SNX22: variants seen among roughly 807,000 people sequenced by gnomAD.
SNX22 encodes sorting nexin-22.
A neutral mutation model predicts 24.7 loss-of-function variants in SNX22; 23 were observed. That is an observed-to-expected ratio of 0.93 (90% CI 0.67 to 1.32). The LOEUF is 1.32. Among genes scored for constraint, SNX22 ranks in the 40% most tolerant of loss-of-function variants. SNX22 has a pLI of 0.00. For missense variants in SNX22, 261 were observed against 249.9 expected, an observed-to-expected ratio of 1.04 and a Z score of -0.30; for synonymous variants, 99 against 104.0, an observed-to-expected ratio of 0.95 and a Z score of 0.29.
Position 64,151,796 on chromosome 15 carries a change from G to A in SNX22, c.21G>A (p.Pro7=). The A allele has an allele frequency of 1.3e-6, 2 of 1,538,240 alleles. No homozygotes were observed. The highest frequency in any genetic ancestry group is 1.7e-6 in the Non-Finnish European group (2 of 1,144,276). The change falls in exon 1 of 7, where the codon CCG becomes CCA. Residue 7 remains proline (P), a synonymous_variant. Coordinates refer to ENST00000325881, the MANE Select transcript of SNX22 (RefSeq NM_024798.3). Reference sequence around the variant, plus strand: ...CGCGGATGCTGGAAGTTCACATCCCGTCGGTGGGGCCCGAGGCCGAGGGGC... The same window carrying A: ...CGCGGATGCTGGAAGTTCACATCCCATCGGTGGGGCCCGAGGCCGAGGGGC... The part of the protein sequence containing the change: MLEVHI[P]SVGPEAEGPR...
In SNX22 at chr15:64,156,106, G is replaced by A. The variant is rs776320521; in HGVS notation, c.*1598G>A. The A allele has an allele frequency of 7.4e-6, 12 of 1,614,062 alleles. No homozygotes were observed. Among genetic ancestry groups the A allele is most frequent in the East Asian group, 2.2e-5 (1 of 44,898 alleles). ...ATCACATCCTTCAGGGGTTTATCCC[G>A]GCTGTCTGTCTTGGTGCTCTCCACC... On this transcript the variant is annotated 3_prime_UTR_variant, in exon 7 of 7. Coordinates refer to ENST00000325881, the MANE Select transcript of SNX22 (RefSeq NM_024798.3). This position sits in a 1 kb window ranked among gnomAD's most constrained non-coding sequence, Gnocchi z 6.4.
At position 64,154,095 on chromosome 15, in the gene SNX22, C is replaced by G. The variant is rs758017151; in HGVS notation, c.460+93C>G. The G allele has an allele frequency of 7.4e-6, 12 of 1,611,922 alleles. No homozygotes were observed. In the South Asian group the frequency reaches 1.2e-4, roughly 16 times the overall value. ...ACCCTCAGACAGCATCTCCTTCCTG[C>G]TGCCCACCTCTGGAGCCACTACCTC... On this transcript the variant is annotated intron_variant, in intron 6 of 6. Transcript: ENST00000325881.
At position 64,155,954 on chromosome 15, in the gene SNX22, A is replaced by C; in HGVS notation, c.*1446A>C. The C allele has an allele frequency of 4.3e-6, 7 of 1,611,564 alleles. No homozygotes were observed. The highest frequency in any genetic ancestry group is 5.9e-6 in the Non-Finnish European group (7 of 1,179,078). On this transcript the variant is annotated 3_prime_UTR_variant, in exon 7 of 7. Coordinates refer to ENST00000325881, the MANE Select transcript of SNX22 (RefSeq NM_024798.3). Reference sequence around the variant, plus strand: ...CAGATGCCAGCACCGGGGCCAGTGCAGCTCAGAGCCCTGTGGCGGACTACA... The same window carrying C: ...CAGATGCCAGCACCGGGGCCAGTGCCGCTCAGAGCCCTGTGGCGGACTACA...
At chr15:64,153,529 G>T in intron 4 of SNX22, 123 bp from the exon 5 acceptor site, 1 of 1,517,674 alleles carries the variant, frequency 6.6e-7, no homozygotes, top group Non-Finnish European at 9.1e-7. Context: ...CCGGAACTGG[G>T]GCTTGTTACA....
At chr15:64,152,850 T>A (rs1423999269) in intron 3 of SNX22, 108 bp downstream of exon 3, 1 of 900,368 alleles carries the variant, frequency 1.1e-6, no homozygotes, top group Non-Finnish European at 1.7e-6. Context: ...CTTGGGGATG[T>A]TATTCACCAC....
chr15:64,153,441 G>T, intron 4 of SNX22, 102 bp downstream of exon 4: 1 of 1,569,128 alleles, frequency 6.4e-7, no homozygotes. Context: ...CCAGGATCCA[G>T]CATGACCGCC....
chr15:64,154,326 A>G, intron 6 of SNX22, 61 bp from the exon 7 acceptor site: 1 of 1,605,258 alleles, frequency 6.2e-7, no homozygotes, highest in Admixed American at 1.7e-5. Flanking sequence ...GGCTGAGCCC[A>G]TGAGCAGGAG....
chr15:64,152,460 GC>G, intron 2 of SNX22, 134 bp downstream of exon 2: 1 of 1,243,168 alleles, frequency 8.0e-7, no homozygotes. Context: ...CAGCCGGTCA[GC>G]CCCCGGGCCT....
chr15:64,153,784 G>T, intron 5 of SNX22, 100 bp downstream of exon 5: 1 of 1,600,772 alleles, frequency 6.2e-7, no homozygotes, highest in South Asian at 1.1e-5. Flanking sequence ...CCTGGGCCCT[G>T]AAGTCTGTTT....
Position 64,153,992 on chromosome 15 carries a change from C to T in SNX22, c.450C>T (p.Asn150=). The stretch of plus-strand genomic sequence containing the variant: ...TCCATGTGGATCCCTATGTTTGCAA[C>T]CCCTCCCCAGGTGAGGAGGTGCCTA... The part of the protein sequence containing the change: ...LSFHVDPYVC[N]PSPESLPNVV... The change falls in exon 6 of 7, where the codon AAC becomes AAT. Residue 150 remains asparagine (N), a synonymous_variant. Transcript: ENST00000325881. 1 of 1,614,098 alleles carries T rather than the reference C, an allele frequency of 6.2e-7. No individual in the cohort carries two copies. The highest frequency in any genetic ancestry group is 8.5e-7 in the Non-Finnish European group (1 of 1,180,004).
At position 64,157,117 on chromosome 15, in the gene SNX22, T is replaced by C; in HGVS notation, c.*2609T>C. The C allele has an allele frequency of 3.3e-6, 2 of 603,536 alleles. No individual in the cohort carries two copies. The highest frequency in any genetic ancestry group is 5.9e-6 in the Non-Finnish European group (2 of 340,592). The allele number at this position is 603,536 out of a possible 1,614,324, so 37.4% of individuals were successfully genotyped here. A position where few individuals can be genotyped will look rare whatever the true frequency, so the allele number is the denominator to read the frequency against. ...GGCCAAGTGGGGCATCAGGCCAGGC[T>C]GATGTGGTGAACAGCTCACAGAAGG... On this transcript the variant is annotated 3_prime_UTR_variant, in exon 7 of 7. Coordinates refer to ENST00000325881, the MANE Select transcript of SNX22 (RefSeq NM_024798.3). The surrounding 1 kb of genome is among the most constrained non-coding windows in gnomAD (Gnocchi z 4.2).
intron 1 of SNX22, 57 bp downstream of exon 1, chr15:64,151,907 T>A (rs2081488842): frequency 6.8e-7 from 1 of 1,462,208 alleles, no homozygotes; most frequent in Admixed American, 2.1e-5. Context: ...TTCCCCGCGC[T>A]GCGCTCAGTG....
Position 64,154,650 on chromosome 15 carries a change from C to A in SNX22, c.*142C>A. 8.7e-7 allele frequency: 1 copy of A among 1,151,832 alleles called. No homozygotes were observed. Among genetic ancestry groups the A allele is most frequent in the Non-Finnish European group, 1.2e-6 (1 of 815,176 alleles). The allele number at this position is 1,151,832 out of a possible 1,614,324, so 71.4% of individuals were successfully genotyped here. A position where few individuals can be genotyped will look rare whatever the true frequency, so the allele number is the denominator to read the frequency against. On this transcript the variant is annotated 3_prime_UTR_variant, in exon 7 of 7. Coordinates refer to ENST00000325881, the MANE Select transcript of SNX22 (RefSeq NM_024798.3). The stretch of plus-strand genomic sequence containing the variant: ...AGTTGTGCCACATTCCCACTCAAGG[C>A]TCAGAACTTGGCTCGCATTGGTAGC...
At chr15:64,152,616 G>C (rs372493745) in intron 2 of SNX22, 22 bp from the exon 3 acceptor site, 54 of 1,607,246 alleles carry the variant, frequency 3.4e-5, no homozygotes, top group Non-Finnish European at 4.3e-5. Flanking sequence ...TGCTGTGATC[G>C]CACGCGGTAA....
intron 3 of SNX22, 95 bp from the exon 4 acceptor site, chr15:64,153,150 C>A (rs187868735): frequency 1.3e-6 from 2 of 1,483,114 alleles, no homozygotes; most frequent in Non-Finnish European, 1.9e-6. Context: ...TCGTGAAATT[C>A]TTTTTTTGGA....
Position 64,152,628 on chromosome 15 carries a change from C to A in SNX22, c.160-10C>A, listed in dbSNP as rs749257298. 6 of 1,612,980 alleles carry A rather than the reference C, an allele frequency of 3.7e-6. No individual in the cohort carries two copies. The Admixed American group carries it at 5.0e-5, about 13-fold the overall frequency. Reference sequence around the variant, plus strand: ...GGATGCTGTGATCGCACGCGGTAAACCTCCAGTAGATCAAGAAGCTGTACA... The same window carrying A: ...GGATGCTGTGATCGCACGCGGTAAAACTCCAGTAGATCAAGAAGCTGTACA... On this transcript the variant is annotated splice_polypyrimidine_tract_variant and intron_variant, in intron 2 of 6. Transcript: ENST00000325881.
rs1255768480 is a variant in SNX22, at chr15:64,151,766, C to T, written c.-10C>T. The stretch of plus-strand genomic sequence containing the variant: ...GCCGAGCGCGCGGAGCAGCTGGGGC[C>T]GGGGCGCGGATGCTGGAAGTTCACA... On this transcript the variant is annotated 5_prime_UTR_variant, in exon 1 of 7. Coordinates refer to ENST00000325881, the MANE Select transcript of SNX22 (RefSeq NM_024798.3). The T allele has an allele frequency of 9.6e-6, 14 of 1,461,766 alleles. No individual in the cohort carries two copies. The highest frequency in any genetic ancestry group is 2.5e-5 in the South Asian group (2 of 80,994). 90.5% of individuals were successfully genotyped at this position (1,461,766 alleles called of 1,614,324 possible).
At chr15:64,151,924 C>G in intron 1 of SNX22, 74 bp downstream of exon 1, 1 of 1,374,398 alleles carries the variant, frequency 7.3e-7, no homozygotes, top group Non-Finnish European at 9.7e-7. Flanking sequence ...AGTGGGGACC[C>G]GGGGCCCGGG....
chr15:64,153,477 G>A, intron 4 of SNX22, 138 bp downstream of exon 4: 1 of 1,467,594 alleles, frequency 6.8e-7, no homozygotes, highest in South Asian at 1.2e-5. Flanking sequence ...GACCTGGGTG[G>A]AGGGGCTTTT....
Sources: gnomAD v4.1 joint callset for allele counts on GRCh38, gnomAD v4.1.1 for gene constraint, Gnocchi (gnomAD v3.1) non-coding constraint, MANE v1.5 for transcripts, NCBI Gene and HGNC (gene_info 2026-07-23, HGNC 2026-07-21) for gene names.